Variants in DCLK1 observed in about 807,000 individuals in gnomAD.
The protein encoded by DCLK1 is serine/threonine-protein kinase DCLK1.
In DCLK1, 16 loss-of-function variants were observed where a neutral mutation model predicts 86.2. The ratio of observed to expected loss-of-function variants is 0.19; its 90% CI spans 0.13 to 0.28. The LOEUF is 0.28. Among genes scored for constraint, DCLK1 ranks in the 10% least tolerant of loss-of-function variants. The pLI is 1.00. For missense variants in DCLK1, 590 were observed against 940.2 expected (o/e 0.63, Z 4.87); for synonymous variants, 369 against 370.5 (o/e 1.00, Z 0.05).
intron 3 of DCLK1, among the ~76,000 whole-genome samples, chr13:36,108,375 T>G (rs2138181981): frequency 6.6e-6 from 1 of 152,326 alleles, no homozygotes; most frequent in South Asian, 2.1e-4. Context: ...TCCAAAACGT[T>G]TATTTCCTTA....
At chr13:36,025,957 G>A (rs773190599) in intron 3 of DCLK1, among the ~76,000 whole-genome samples, 1 of 152,194 alleles carries the variant, frequency 6.6e-6, no homozygotes, top group African/African-American at 2.4e-5. Context: ...GATCTAGGAT[G>A]GTCATGGTGG....
chr13:35,867,871 G>GAAAGAAAGAAAGAAAGAAAGAA (rs1566576739), intron 5 of DCLK1, among the ~76,000 whole-genome samples: 2 of 124,342 alleles, frequency 1.6e-5, no homozygotes, highest in African/African-American at 6.0e-5. Flanking sequence ...AAGAAAGAAA[G>GAAAGAAAGAAAGAAAGAAAGAA]AGAGAGGGAG....
chr13:36,038,102 T>C (rs1032474241), intron 3 of DCLK1, among the ~76,000 whole-genome samples: 3 of 152,162 alleles, frequency 2.0e-5, no homozygotes, highest in Non-Finnish European at 2.9e-5. Context: ...AAGAGAATAA[T>C]GGAGAAGCAA....
intron 8 of DCLK1, among the ~76,000 whole-genome samples, chr13:35,834,277 A>G (rs543832405): frequency 6.6e-6 from 1 of 152,228 alleles, no homozygotes; most frequent in East Asian, 1.9e-4. Flanking sequence ...GCTTCTATCC[A>G]TTACCATAGG....
At chr13:35,834,370 T>A (rs1269912094) in intron 8 of DCLK1, among the ~76,000 whole-genome samples, 2 of 152,176 alleles carry the variant, frequency 1.3e-5, no homozygotes, top group African/African-American at 4.8e-5. Flanking sequence ...AGCCAGAGTC[T>A]TATGGGAGGC....
At position 35,826,564 on chromosome 13, in the gene DCLK1, A is replaced by AAGGAAGGAAGGAAGGG. The variant is rs1555342400; in HGVS notation, c.1407+1070_1407+1071insCCCTTCCTTCCTTCCT. ...AAAAGAAAGAAAGAAAGAAAGAAAC[A>AAGGAAGGAAGGAAGGG]AGTCCTAATTTGAAGTAGACTAAAA... On this transcript the variant is annotated intron_variant, in intron 10 of 16. Coordinates refer to ENST00000360631, the MANE Select transcript of DCLK1 (RefSeq NM_001330071.2). Among the ~76,000 whole-genome samples the AAGGAAGGAAGGAAGGG allele has an allele frequency of 2.0e-3, 90 of 46,056 alleles. 9 individuals are homozygous for AAGGAAGGAAGGAAGGG. The highest frequency in any genetic ancestry group is 2.3e-3 in the African/African-American group (45 of 19,204). The allele number at this position is 46,056 out of a possible 152,430, so 30.2% of individuals were successfully genotyped here.
chr13:35,815,836 T>A (rs2087252028), intron 11 of DCLK1, among the ~76,000 whole-genome samples: 1 of 152,068 alleles, frequency 6.6e-6, no homozygotes, highest in African/African-American at 2.4e-5. Context: ...TATACCTACA[T>A]GTAAAATATT....
chr13:36,125,625 G>A (rs9565869), intron 2 of DCLK1, 137 bp downstream of exon 2: 835,872 of 1,270,498 alleles, frequency 0.66, 281,534 homozygotes, highest in East Asian at 0.99. Flanking sequence ...TAGCACATTC[G>A]TATGTCTGAA....
chr13:36,030,677 T>G (rs180842547), intron 3 of DCLK1, among the ~76,000 whole-genome samples: 3 of 152,026 alleles, frequency 2.0e-5, no homozygotes, highest in African/African-American at 4.8e-5. Flanking sequence ...TTATTCAAAT[T>G]TGGGGACAGT....
At chr13:36,091,008 A>G (rs1884806401) in intron 3 of DCLK1, among the ~76,000 whole-genome samples, 1 of 152,182 alleles carries the variant, frequency 6.6e-6, no homozygotes, top group African/African-American at 2.4e-5. Context: ...GTGTCTGTTC[A>G]TGTCCTTCAC....
intron 3 of DCLK1, among the ~76,000 whole-genome samples, chr13:36,047,515 G>A (rs1882961046): frequency 6.6e-6 from 1 of 152,140 alleles, no homozygotes; most frequent in Non-Finnish European, 1.5e-5. Context: ...CTTAAAAAAA[G>A]AAGGAAATCC....
chr13:35,858,683 T>C (rs1014095439), intron 5 of DCLK1, among the ~76,000 whole-genome samples: 1 of 152,156 alleles, frequency 6.6e-6, no homozygotes, highest in Non-Finnish European at 1.5e-5. Context: ...TTTTTGCCAT[T>C]AAAAGTAAAG....
chr13:35,855,856 TG>T, intron 5 of DCLK1: 1 of 1,154,456 alleles, frequency 8.7e-7, no homozygotes, highest in Non-Finnish European at 1.1e-6. Context: ...TGAATCATAA[TG>T]AAGTGGCCCT....
chr13:35,993,359 C>T (rs1880322262), intron 3 of DCLK1, among the ~76,000 whole-genome samples: 1 of 152,166 alleles, frequency 6.6e-6, no homozygotes, highest in Non-Finnish European at 1.5e-5. Flanking sequence ...CTCTTTCATG[C>T]CTCAGTTCTG....
In DCLK1 at chr13:35,957,847, G is replaced by A. The variant is rs1259852640; in HGVS notation, c.724-10390C>T. Among the ~76,000 whole-genome samples the A allele has an allele frequency of 3.2e-5, 3 of 94,336 alleles. No homozygotes were observed. The South Asian group carries it at 1.0e-3, about 31-fold the overall frequency. 61.9% of individuals were successfully genotyped at this position (94,336 alleles called of 152,430 possible). A position where few individuals can be genotyped will look rare whatever the true frequency, so the allele number is the denominator to read the frequency against. On this transcript the variant is annotated intron_variant, in intron 3 of 16. Transcript: ENST00000360631. ...TGCAAATTAGTCTTCTTAAGTAAAT[G>A]ATGTTTTTCAAACAACAACAATCCC...
intron 16 of DCLK1, 104 bp downstream of exon 16, chr13:35,793,262 A>G (rs1217624823): frequency 1.3e-6 from 1 of 795,042 alleles, no homozygotes; most frequent in South Asian, 2.0e-5. Flanking sequence ...GTCTAAAGAA[A>G]TGACCCATTC....
intron 3 of DCLK1, among the ~76,000 whole-genome samples, chr13:36,060,828 A>C (rs1467482553): frequency 1.3e-5 from 2 of 152,220 alleles, no homozygotes; most frequent in African/African-American, 4.8e-5. Context: ...CCAAGGATGC[A>C]GACAGGAAGA....
At chr13:35,904,827 G>T (rs143240370) in intron 4 of DCLK1, among the ~76,000 whole-genome samples, 1 of 152,156 alleles carries the variant, frequency 6.6e-6, no homozygotes, top group Non-Finnish European at 1.5e-5. Flanking sequence ...AATTGCAAAG[G>T]GGCATTTTGG....
intron 3 of DCLK1, among the ~76,000 whole-genome samples, chr13:36,026,873 G>A (rs1443648718): frequency 6.6e-6 from 1 of 152,060 alleles, no homozygotes; most frequent in African/African-American, 2.4e-5. Flanking sequence ...TGAATATAAT[G>A]TTGTAAAAAT....
Sources: allele counts gnomAD v4.1 joint callset (sites outside exome capture counted in the v4.1 genomes callset), GRCh38; gene constraint gnomAD v4.1.1; transcripts MANE v1.5; gene names NCBI Gene and HGNC (gene_info 2026-07-23, HGNC 2026-07-21).